Variants in NAALADL2 observed in about 807,000 individuals in gnomAD.
The protein encoded by NAALADL2 is N-acetylated alpha-linked acidic dipeptidase like 2.
In NAALADL2, 76 loss-of-function variants were observed where a neutral mutation model predicts 87.2. That is an observed-to-expected ratio of 0.87 (90% CI 0.72 to 1.05). NAALADL2 has a LOEUF of 1.05. NAALADL2 is among the 50% of genes least tolerant of loss of function. NAALADL2 has a pLI of 0.00. For synonymous variants in NAALADL2, 354 were observed against 331.0 expected (o/e 1.07, Z -0.75); for missense variants, 1,089 against 945.8 (o/e 1.15, Z -1.99).
intron 3 of NAALADL2, among the ~76,000 whole-genome samples, chr3:174,747,317 A>G (rs957244422): frequency 6.6e-5 from 10 of 152,182 alleles, no homozygotes; most frequent in African/African-American, 2.4e-4. Flanking sequence ...GCCAAAAAAC[A>G]TATGAAGAAA....
intron 1 of NAALADL2, among the ~76,000 whole-genome samples, chr3:174,885,794 T>A (rs1184796260): frequency 7.0e-6 from 1 of 143,008 alleles, no homozygotes; most frequent in Non-Finnish European, 1.5e-5. Context: ...GTAACTAGCA[T>A]AAAAATTAAG....
At chr3:175,309,076 A>G (rs1758032621) in intron 4 of NAALADL2, among the ~76,000 whole-genome samples, 1 of 152,242 alleles carries the variant, frequency 6.6e-6, no homozygotes, top group East Asian at 1.9e-4. Context: ...AGGGGTTGAG[A>G]AATTACATCT....
chr3:175,371,416 C>A (rs145415781), intron 5 of NAALADL2, among the ~76,000 whole-genome samples: 2 of 151,936 alleles, frequency 1.3e-5, no homozygotes, highest in Non-Finnish European at 2.9e-5. Flanking sequence ...TACAGGCGCC[C>A]GCCACCGCGC....
intron 3 of NAALADL2, among the ~76,000 whole-genome samples, chr3:174,839,988 A>G (rs1723830120): frequency 6.6e-6 from 1 of 152,124 alleles, no homozygotes. Flanking sequence ...TGATCCAGCA[A>G]TCCCACTACT....
chr3:175,076,799 A>T (rs890005176), intron 1 of NAALADL2, among the ~76,000 whole-genome samples: 3 of 152,230 alleles, frequency 2.0e-5, no homozygotes, highest in African/African-American at 7.2e-5. Flanking sequence ...TTTGAAATCT[A>T]TAAAGCATAC....
intron 5 of NAALADL2, among the ~76,000 whole-genome samples, chr3:175,357,699 T>C (rs1011220299): frequency 1.3e-5 from 2 of 152,096 alleles, no homozygotes; most frequent in Non-Finnish European, 2.9e-5. Context: ...GGCAAAGAAA[T>C]ATGGAGAATT....
At chr3:174,652,563 ATCTCGTGAAACTTAT>A (rs149822474) in intron 2 of NAALADL2, among the ~76,000 whole-genome samples, 1,716 of 152,218 alleles carry the variant, frequency 0.011, 32 homozygotes, top group African/African-American at 0.04. Flanking sequence ...AAGCCATCAG[ATCTCGTGAAACTTAT>A]TCACTATCAC....
At chr3:175,718,778 T>C (rs2150026453) in intron 11 of NAALADL2, 1 of 825,886 alleles carries the variant, frequency 1.2e-6, no homozygotes, top group East Asian at 2.7e-5. Flanking sequence ...TATTTAAAAA[T>C]TAGCCAAGCA....
intron 3 of NAALADL2, among the ~76,000 whole-genome samples, chr3:175,253,342 T>A (rs1469278632): frequency 6.6e-6 from 1 of 152,170 alleles, no homozygotes; most frequent in East Asian, 1.9e-4. Flanking sequence ...AAAGACTGGA[T>A]AACAGCAAAT....
At chr3:175,604,424 C>T (rs999703690) in intron 10 of NAALADL2, among the ~76,000 whole-genome samples, 2 of 151,526 alleles carry the variant, frequency 1.3e-5, no homozygotes, top group African/African-American at 4.8e-5. Context: ...CTGCCTCAGC[C>T]TCCCGAGTAG....
chr3:174,516,253 T>A (rs954667655), intron 1 of NAALADL2, among the ~76,000 whole-genome samples: 5 of 152,098 alleles, frequency 3.3e-5, no homozygotes, highest in Admixed American at 1.3e-4. Flanking sequence ...GTTAATGACA[T>A]TAGTCATTAT....
At chr3:175,046,411 T>C (rs1007931308) in intron 1 of NAALADL2, among the ~76,000 whole-genome samples, 10 of 152,064 alleles carry the variant, frequency 6.6e-5, no homozygotes, top group Admixed American at 6.6e-4. Flanking sequence ...CTTTTCATAC[T>C]TTTTTTTCAT....
chr3:175,255,822 G>A (rs546714108), intron 3 of NAALADL2, among the ~76,000 whole-genome samples: 2 of 152,222 alleles, frequency 1.3e-5, no homozygotes, highest in East Asian at 3.9e-4. Context: ...TGATAATTTG[G>A]GGCCATGTTC....
At chr3:175,192,275 C>G (rs1352785962) in intron 2 of NAALADL2, among the ~76,000 whole-genome samples, 1 of 151,966 alleles carries the variant, frequency 6.6e-6, no homozygotes, top group Non-Finnish European at 1.5e-5. Context: ...CAGTGTTTTA[C>G]TATTGAACAA....
chr3:175,060,286 A>T (rs1713150677), intron 1 of NAALADL2, among the ~76,000 whole-genome samples: 1 of 152,230 alleles, frequency 6.6e-6, no homozygotes, highest in African/African-American at 2.4e-5. Flanking sequence ...TATTTCACTT[A>T]TAAACATATC....
intron 1 of NAALADL2, among the ~76,000 whole-genome samples, chr3:175,005,986 A>G (rs529528706): frequency 6.6e-6 from 1 of 152,278 alleles, no homozygotes; most frequent in East Asian, 1.9e-4. Flanking sequence ...ACTTTGAAAT[A>G]TTTACTGTGG....
In NAALADL2 at chr3:175,720,445, AAAC is replaced by A. The variant is rs879520742; in HGVS notation, c.1897-16855_1897-16853del. ...AATAAATGTAAAGAAGTAACCCAGA[AAAC>A]AACAAAGGAAGGAAAATAAAGTGAA... is the stretch of plus-strand genomic sequence containing the variant. On this transcript the variant is annotated intron_variant, in intron 11 of 13. Transcript: ENST00000454872. Among the ~76,000 whole-genome samples, 11 of 152,186 alleles carry A rather than the reference AAAC, an allele frequency of 7.2e-5. No homozygotes were observed. The Middle Eastern group carries it at 0.01, about 141-fold the overall frequency.
rs1479354444 is a variant in NAALADL2, at chr3:174,877,351, T to G, written c.43+17901T>G. Among the ~76,000 whole-genome samples, 3 of 152,056 alleles carry G rather than the reference T, an allele frequency of 2.0e-5. No homozygotes were observed. The East Asian group carries it at 5.8e-4, about 29-fold the overall frequency. ...GGCCAGTGTATCCTTAGGGATTAAT[T>G]AAAGTGATCCTTCCGTTATCTTTAA... is the stretch of plus-strand genomic sequence containing the variant. On this transcript the variant is annotated intron_variant, in intron 1 of 13. Coordinates refer to ENST00000454872, the MANE Select transcript of NAALADL2 (RefSeq NM_207015.3).
chr3:174,530,602 G>T (rs1427307392), intron 1 of NAALADL2, among the ~76,000 whole-genome samples: 1 of 152,218 alleles, frequency 6.6e-6, no homozygotes, highest in Admixed American at 6.5e-5. Flanking sequence ...CCTGGCTGGG[G>T]AGGCCTCACA....
Sources: allele counts gnomAD v4.1 joint callset (sites outside exome capture counted in the v4.1 genomes callset), GRCh38; gene constraint gnomAD v4.1.1; transcripts MANE v1.5; gene names NCBI Gene and HGNC (gene_info 2026-07-23, HGNC 2026-07-21).